SLC8A1: variants seen among roughly 807,000 people sequenced by gnomAD.
SLC8A1 encodes the protein solute carrier family 8 member A1.
Under a neutral mutation model 68.3 loss-of-function variants are expected in SLC8A1, and 18 were observed. The ratio of observed to expected loss-of-function variants is 0.26; its 90% CI spans 0.18 to 0.39. The LOEUF is 0.39. Among genes scored for constraint, SLC8A1 ranks in the 10% least tolerant of loss-of-function variants. The pLI is 1.00. For missense variants in SLC8A1, 985 were observed against 1,156.7 expected (o/e 0.85, Z 2.15); for synonymous variants, 475 against 415.5 (o/e 1.14, Z -1.74).
chr2:40,200,201 T>TAA, intron 2 of SLC8A1, among the ~76,000 whole-genome samples: 1 of 10,922 alleles, frequency 9.2e-5, no homozygotes, highest in African/African-American at 4.2e-4. Context: ...TTTATATATA[T>TAA]ATATAAATAT....
At chr2:40,192,500 T>C (rs892078779) in intron 2 of SLC8A1, among the ~76,000 whole-genome samples, 2 of 152,148 alleles carry the variant, frequency 1.3e-5, no homozygotes, top group Non-Finnish European at 2.9e-5. Flanking sequence ...ATATTAACTT[T>C]AATCATGGTA....
intron 7 of SLC8A1, among the ~76,000 whole-genome samples, chr2:40,135,323 C>A (rs916243797): frequency 6.6e-6 from 1 of 152,162 alleles, no homozygotes; most frequent in Non-Finnish European, 1.5e-5. Flanking sequence ...TAGGAGGCTA[C>A]TGCAGAGATA....
chr2:40,132,530 G>C (rs1309530672), intron 7 of SLC8A1, among the ~76,000 whole-genome samples: 1 of 151,932 alleles, frequency 6.6e-6, no homozygotes, highest in African/African-American at 2.4e-5. Context: ...GGTCCACCGA[G>C]AAGTAAAGCG....
chr2:40,426,694 A>G (rs989745208), intron 2 of SLC8A1, among the ~76,000 whole-genome samples: 5 of 152,030 alleles, frequency 3.3e-5, no homozygotes, highest in African/African-American at 1.2e-4. Context: ...AAACAAAACA[A>G]AACACAGATT....
chr2:40,129,387 T>C (rs532604274), intron 7 of SLC8A1, among the ~76,000 whole-genome samples: 90 of 128,022 alleles, frequency 7.0e-4, no homozygotes, highest in African/African-American at 2.6e-3. Context: ...CATACCACCA[T>C]GCCCAGCTAA....
At chr2:40,277,575 T>A (rs1403117903) in intron 2 of SLC8A1, among the ~76,000 whole-genome samples, 1 of 151,414 alleles carries the variant, frequency 6.6e-6, no homozygotes. Flanking sequence ...AATAAAATAA[T>A]AGCAAAAGTA....
chr2:40,280,723 A>G (rs992007279), intron 2 of SLC8A1, among the ~76,000 whole-genome samples: 1 of 152,230 alleles, frequency 6.6e-6, no homozygotes, highest in African/African-American at 2.4e-5. Flanking sequence ...TGAAGTAAAA[A>G]GAGACAATGA....
intron 2 of SLC8A1, among the ~76,000 whole-genome samples, chr2:40,351,664 T>C (rs947076982): frequency 2.0e-5 from 3 of 152,156 alleles, no homozygotes; most frequent in African/African-American, 7.2e-5. Context: ...CAAACAACTT[T>C]TGGCATGCAC....
rs7586636 is a variant in SLC8A1 at position 40,369,844 on chromosome 2, A to G, written c.1808+58629T>C. ...AGAACACCATGAAAAAGAATTTCCT[A>G]TGACCACTGCTGGTGTAGAAAAGAA... On this transcript the variant is annotated intron_variant, in intron 2 of 7. Coordinates refer to ENST00000406785, the Ensembl canonical transcript of SLC8A1. Among the ~76,000 whole-genome samples, 1,360 of 151,474 alleles carry G rather than the reference A, an allele frequency of 9.0e-3. 19 individuals are homozygous for G. The highest frequency in any genetic ancestry group is 0.031 in the African/African-American group (1,261 of 41,166).
At chr2:40,459,371 T>TA (rs1328013304) in intron 1 of SLC8A1, among the ~76,000 whole-genome samples, 1 of 151,906 alleles carries the variant, frequency 6.6e-6, no homozygotes, top group Non-Finnish European at 1.5e-5. Context: ...ACAGTATATT[T>TA]TTTTTTGTTT....
intron 2 of SLC8A1, among the ~76,000 whole-genome samples, chr2:40,288,620 T>C (rs72796670): frequency 0.018 from 2,783 of 152,110 alleles, 37 homozygotes; most frequent in South Asian, 0.046. Context: ...TCCCCAGTTC[T>C]GTGTTTAGTG....
At chr2:40,431,303 C>T (rs539978275) in intron 1 of SLC8A1, among the ~76,000 whole-genome samples, 5 of 151,890 alleles carry the variant, frequency 3.3e-5, no homozygotes, top group African/African-American at 9.7e-5. Context: ...TTAGTTCTGT[C>T]GAGGGTTCAA....
intron 2 of SLC8A1, among the ~76,000 whole-genome samples, chr2:40,381,766 G>A (rs762003342): frequency 1.3e-5 from 2 of 151,170 alleles, no homozygotes; most frequent in Non-Finnish European, 2.9e-5. Context: ...CTCCTAGATA[G>A]TATCAAGGAA....
intron 1 of SLC8A1, among the ~76,000 whole-genome samples, chr2:40,457,952 G>T (rs781683084): frequency 7.2e-5 from 11 of 152,132 alleles, no homozygotes; most frequent in Non-Finnish European, 1.6e-4. Flanking sequence ...GCATGTATCA[G>T]CTGGGTTATT....
chr2:40,204,199 T>C (rs2054938617), intron 2 of SLC8A1, among the ~76,000 whole-genome samples: 1 of 152,044 alleles, frequency 6.6e-6, no homozygotes, highest in African/African-American at 2.4e-5. Flanking sequence ...AAATTTGGGA[T>C]ACATTGTTCT....
At chr2:40,462,457 C>G (rs890244967) in intron 1 of SLC8A1, among the ~76,000 whole-genome samples, 1 of 151,090 alleles carries the variant, frequency 6.6e-6, no homozygotes, top group African/African-American at 2.4e-5. Context: ...AATTTCCTGA[C>G]AAGTTGGGAA....
At chr2:40,382,486 G>A (rs541551370) in intron 2 of SLC8A1, among the ~76,000 whole-genome samples, 2 of 152,040 alleles carry the variant, frequency 1.3e-5, no homozygotes, top group East Asian at 1.9e-4. Flanking sequence ...AAATATGAGT[G>A]TTTTAAAACA....
At chr2:40,491,299 G>A (rs529257775) in intron 1 of SLC8A1, among the ~76,000 whole-genome samples, 1 of 152,206 alleles carries the variant, frequency 6.6e-6, no homozygotes, top group East Asian at 1.9e-4. Context: ...TGTTATTGGT[G>A]TATAAGAATG....
intron 2 of SLC8A1, among the ~76,000 whole-genome samples, chr2:40,273,770 A>G (rs2066342219): frequency 6.6e-6 from 1 of 152,120 alleles, no homozygotes; most frequent in Non-Finnish European, 1.5e-5. Flanking sequence ...TGCCTCAGAT[A>G]GAGTGAAACT....
Sources: gnomAD v4.1 joint callset for allele counts (sites outside exome capture counted in the v4.1 genomes callset) on GRCh38, gnomAD v4.1.1 for gene constraint, MANE v1.5 for transcripts, NCBI Gene and HGNC (gene_info 2026-07-23, HGNC 2026-07-21) for gene names.